Variants in RBMS3 observed in about 807,000 individuals in gnomAD.
RBMS3 encodes the protein RNA-binding motif, single-stranded-interacting protein 3.
RBMS3 carries 27 observed loss-of-function variants against 66.8 expected under a neutral mutation model. That is an observed-to-expected ratio of 0.40 (90% confidence interval 0.30 to 0.56). The LOEUF (loss-of-function observed/expected upper bound fraction) is 0.56, where lower values mean the gene tolerates loss of function less well. Among genes scored for constraint, RBMS3 ranks in the 20% least tolerant of loss-of-function variants. RBMS3 has a pLI of 0.40. For synonymous variants in RBMS3, 188 were observed against 183.0 expected (o/e 1.03, Z -0.22); for missense variants, 513 against 549.5 (o/e 0.93, Z 0.66).
intron 6 of RBMS3, among the ~76,000 whole-genome samples, chr3:29,791,733 C>A (rs965000001): frequency 6.6e-6 from 1 of 152,154 alleles, no homozygotes; most frequent in Non-Finnish European, 1.5e-5. Flanking sequence ...TGTAGAACAT[C>A]CTGACAGCGT....
intron 4 of RBMS3, among the ~76,000 whole-genome samples, chr3:29,610,662 A>G (rs2048462678): frequency 6.6e-6 from 1 of 152,096 alleles, no homozygotes; most frequent in South Asian, 2.1e-4. Flanking sequence ...AGAAAGATAC[A>G]TAGTAGATTG....
At chr3:29,368,478 T>C (rs2038024483) in intron 1 of RBMS3, among the ~76,000 whole-genome samples, 1 of 152,108 alleles carries the variant, frequency 6.6e-6, no homozygotes, top group African/African-American at 2.4e-5. Context: ...TAAATATTTG[T>C]TGAATGAATT....
chr3:29,544,115 A>G (rs2045862429), intron 3 of RBMS3, among the ~76,000 whole-genome samples: 1 of 152,176 alleles, frequency 6.6e-6, no homozygotes. Context: ...AAGGAAGAAG[A>G]AAACGCTGAT....
intron 10 of RBMS3, among the ~76,000 whole-genome samples, chr3:29,925,772 T>C (rs2060921741): frequency 6.6e-6 from 1 of 152,194 alleles, no homozygotes; most frequent in African/African-American, 2.4e-5. Flanking sequence ...TCACCTGAGA[T>C]TCTGTACTAA....
intron 1 of RBMS3, among the ~76,000 whole-genome samples, chr3:29,419,868 T>TA (rs1373385380): frequency 6.6e-6 from 1 of 152,206 alleles, no homozygotes; most frequent in African/African-American, 2.4e-5. Flanking sequence ...AAGGAATACT[T>TA]ACACCACTAC....
intron 6 of RBMS3, among the ~76,000 whole-genome samples, chr3:29,795,664 G>A (rs977685869): frequency 1.3e-5 from 2 of 152,152 alleles, no homozygotes; most frequent in African/African-American, 4.8e-5. Context: ...ATATAACCTT[G>A]AGTAGATTTC....
chr3:29,366,662 A>ATAT (rs1166228882), intron 1 of RBMS3, among the ~76,000 whole-genome samples: 2 of 152,154 alleles, frequency 1.3e-5, no homozygotes, highest in African/African-American at 2.4e-5. Context: ...GGCATGAGCC[A>ATAT]CCACACCTGG....
chr3:29,981,480 G>A lies in RBMS3; in HGVS notation c.1099-6663G>A, dbSNP rs531757911. On this transcript the variant is annotated intron_variant, in intron 12 of 14. Coordinates refer to ENST00000383767, the MANE Select transcript of RBMS3 (RefSeq NM_001003793.3). ...TCCAATACTATGTTGAATAGGAGTG[G>A]TGAGAGAGGGCATCCTTGTCTTGTG... Among the ~76,000 whole-genome samples the A allele has an allele frequency of 2.6e-5, 4 of 152,260 alleles. No individual in the cohort carries two copies. The South Asian group carries it at 6.2e-4, about 24-fold the overall frequency.
At position 29,894,248 on chromosome 3, in the gene RBMS3, T is replaced by C. The variant is rs188374723; in HGVS notation, c.792-3131T>C. On this transcript the variant is annotated intron_variant, in intron 8 of 14. Coordinates refer to ENST00000383767, the MANE Select transcript of RBMS3 (RefSeq NM_001003793.3). ...TGTTTGTTTGTTTTTTGAGAAAAGG[T>C]CTCACTCTTGCCCAGGCTGGAGTGC... Among the ~76,000 whole-genome samples, 324 of 151,686 alleles carry C rather than the reference T, an allele frequency of 2.1e-3. 1 individual carries two copies. The highest frequency in any genetic ancestry group is 7.6e-3 in the African/African-American group (317 of 41,448).
chr3:29,579,093 G>A (rs919476701), intron 3 of RBMS3, among the ~76,000 whole-genome samples: 1 of 135,302 alleles, frequency 7.4e-6, no homozygotes, highest in Non-Finnish European at 1.6e-5. Flanking sequence ...GAGCCACCGC[G>A]CCCGGCCAAT....
chr3:29,368,532 C>G lies in RBMS3; in HGVS notation c.76-66211C>G, dbSNP rs560929251. On this transcript the variant is annotated intron_variant, in intron 1 of 14. Coordinates refer to ENST00000383767, the MANE Select transcript of RBMS3 (RefSeq NM_001003793.3). ...TCAATCTGAGCTATTTTTCACATCA[C>G]TACTGAAAAATGAGAGTTCACAAGG... Among the ~76,000 whole-genome samples, 9 of 150,876 alleles carry G rather than the reference C, an allele frequency of 6.0e-5. No individual in the cohort carries two copies. In the South Asian group the frequency reaches 1.0e-3, roughly 18 times the overall value.
chr3:30,009,931 T>A lies in RBMS3; in HGVS notation c.*6069T>A, dbSNP rs907843702. On this transcript the variant is annotated 3_prime_UTR_variant, in exon 15 of 15. Coordinates refer to ENST00000383767, the MANE Select transcript of RBMS3 (RefSeq NM_001003793.3). ...CCATGCTTTTCAGGAACTGTAAAAA[T>A]TATTTCAAAAAGATATTTGAAAAAG... 1 of 151,070 alleles carries A rather than the reference T, an allele frequency of 6.6e-6. No individual in the cohort carries two copies. Among genetic ancestry groups the A allele is most frequent in the African/African-American group, 2.4e-5 (1 of 40,890 alleles). The allele number at this position is 151,070 out of a possible 1,614,324, so 9.4% of individuals were successfully genotyped here.
intron 6 of RBMS3, among the ~76,000 whole-genome samples, chr3:29,792,388 C>T (rs145576513): frequency 2.6e-5 from 4 of 152,280 alleles, no homozygotes; most frequent in Non-Finnish European, 5.9e-5. Context: ...GAAGTTCTTA[C>T]TTTGAAATGC....
At chr3:29,343,131 TGTA>T (rs1168128448) in intron 1 of RBMS3, among the ~76,000 whole-genome samples, 1 of 152,114 alleles carries the variant, frequency 6.6e-6, no homozygotes, top group East Asian at 1.9e-4. Context: ...GTTGATCTAA[TGTA>T]GTAGTATAAA....
chr3:29,443,754 A>C (rs554827132), intron 2 of RBMS3, among the ~76,000 whole-genome samples: 19 of 152,268 alleles, frequency 1.2e-4, no homozygotes, highest in African/African-American at 4.1e-4. Flanking sequence ...ATGGCTTGGA[A>C]TAAGATCACA....
chr3:29,779,116 G>A (rs2056528422), intron 6 of RBMS3, among the ~76,000 whole-genome samples: 1 of 151,756 alleles, frequency 6.6e-6, no homozygotes, highest in African/African-American at 2.4e-5. Context: ...GAAATATTGG[G>A]CCATCCCTTT....
chr3:29,877,457 A>G (rs144789404), intron 7 of RBMS3, among the ~76,000 whole-genome samples: 1 of 152,360 alleles, frequency 6.6e-6, no homozygotes, highest in East Asian at 1.9e-4. Flanking sequence ...GGATTCAGAA[A>G]TTATGAAAAT....
chr3:29,984,592 T>C (rs879351269), intron 12 of RBMS3, among the ~76,000 whole-genome samples: 1 of 152,032 alleles, frequency 6.6e-6, no homozygotes, highest in South Asian at 2.1e-4. Flanking sequence ...TTCAGATGGG[T>C]TTTTTGTATG....
chr3:29,401,876 T>G (rs2039827386), intron 1 of RBMS3, among the ~76,000 whole-genome samples: 1 of 152,062 alleles, frequency 6.6e-6, no homozygotes, highest in African/African-American at 2.4e-5. Context: ...ATGGCTATGA[T>G]GATTAATTTT....
Sources: allele counts gnomAD v4.1 joint callset (sites outside exome capture counted in the v4.1 genomes callset), GRCh38; gene constraint gnomAD v4.1.1; transcripts MANE v1.5; gene names NCBI Gene and HGNC (gene_info 2026-07-23, HGNC 2026-07-21).